Variants in RAD51B observed in about 807,000 individuals in gnomAD.
The protein encoded by RAD51B is DNA repair protein RAD51 homolog 2.
RAD51B carries 38 observed loss-of-function variants against 42.2 expected under a neutral mutation model. The observed-to-expected ratio is 0.90, with a 90% CI of 0.70 to 1.18. The LOEUF is 1.18. Among genes scored for constraint, RAD51B ranks in the 50% most tolerant of loss-of-function variants. The pLI, the probability that RAD51B is intolerant of heterozygous loss-of-function variation, is 0.00. For missense variants in RAD51B, 373 were observed against 400.7 expected (o/e 0.93, Z 0.59); for synonymous variants, 154 against 145.2 (o/e 1.06, Z -0.43).
chr14:67,985,594 T>G (rs1354923626), intron 7 of RAD51B, among the ~76,000 whole-genome samples: 1 of 152,170 alleles, frequency 6.6e-6, no homozygotes, highest in African/African-American at 2.4e-5. Flanking sequence ...CCTTGACTTT[T>G]GTGACACGGA....
chr14:68,027,556 TCTGA>T (rs1323581419), intron 7 of RAD51B, among the ~76,000 whole-genome samples: 3 of 152,202 alleles, frequency 2.0e-5, no homozygotes, highest in Admixed American at 2.0e-4. Context: ...TTTCTTGGTG[TCTGA>T]CTGAGTTGAT....
intron 11 of RAD51B, among the ~76,000 whole-genome samples, chr14:68,675,673 A>G (rs4902630): frequency 0.41 from 62,315 of 152,160 alleles, 13,403 homozygotes; most frequent in African/African-American, 0.54. Flanking sequence ...ATTGTGGTAC[A>G]CACATCAGAT....
At chr14:68,310,960 A>G (rs1420534189) in intron 8 of RAD51B, among the ~76,000 whole-genome samples, 1 of 152,030 alleles carries the variant, frequency 6.6e-6, no homozygotes, top group Non-Finnish European at 1.5e-5. Context: ...CCAACCCCAC[A>G]CACCTCATCT....
At chr14:67,960,983 A>G (rs1237733745) in intron 7 of RAD51B, among the ~76,000 whole-genome samples, 2 of 151,688 alleles carry the variant, frequency 1.3e-5, no homozygotes, top group Admixed American at 6.6e-5. Flanking sequence ...GAATTTCCTA[A>G]GTTATTATTT....
At chr14:68,560,235 T>C (rs937825261) in intron 10 of RAD51B, among the ~76,000 whole-genome samples, 1 of 152,220 alleles carries the variant, frequency 6.6e-6, no homozygotes, top group African/African-American at 2.4e-5. Context: ...TAAAGTACTT[T>C]GTGTTCTGTT....
At chr14:68,531,561 A>T (rs1030737550) in intron 10 of RAD51B, among the ~76,000 whole-genome samples, 1 of 152,224 alleles carries the variant, frequency 6.6e-6, no homozygotes, top group Non-Finnish European at 1.5e-5. Context: ...GCCCCTAAAA[A>T]CATAACCTTG....
intron 8 of RAD51B, among the ~76,000 whole-genome samples, chr14:68,316,409 G>C (rs1407546413): frequency 6.6e-6 from 1 of 151,926 alleles, no homozygotes; most frequent in African/African-American, 2.4e-5. Context: ...GTGCTTTGAT[G>C]GTGGCCTTTG....
intron 8 of RAD51B, among the ~76,000 whole-genome samples, chr14:68,336,618 T>G (rs1438012807): frequency 6.6e-6 from 1 of 152,244 alleles, no homozygotes; most frequent in Admixed American, 6.5e-5. Context: ...AATTCCTACA[T>G]TTTGACAAAA....
intron 7 of RAD51B, among the ~76,000 whole-genome samples, chr14:68,102,148 C>T (rs1049477746): frequency 6.6e-6 from 1 of 152,176 alleles, no homozygotes; most frequent in Non-Finnish European, 1.5e-5. Flanking sequence ...AGCAAGGAGG[C>T]CCTGGGCTTG....
chr14:68,149,023 T>A (rs1383667701), intron 7 of RAD51B, among the ~76,000 whole-genome samples: 1 of 152,244 alleles, frequency 6.6e-6, no homozygotes, highest in Non-Finnish European at 1.5e-5. Flanking sequence ...TTTGAAGAAG[T>A]GTCTGTTCAG....
chr14:68,575,970 C>T (rs867265469), intron 10 of RAD51B, among the ~76,000 whole-genome samples: 1 of 152,168 alleles, frequency 6.6e-6, no homozygotes, highest in Non-Finnish European at 1.5e-5. Context: ...AATGTTGAGG[C>T]ACCCAGGAAC....
At chr14:68,246,169 C>T (rs776301020) in intron 7 of RAD51B, among the ~76,000 whole-genome samples, 46 of 152,016 alleles carry the variant, frequency 3.0e-4, no homozygotes, top group Admixed American at 2.6e-3. Context: ...GACAGAAGTA[C>T]GTCTTGAGGG....
chr14:68,548,174 C>T (rs950592775), intron 10 of RAD51B, among the ~76,000 whole-genome samples: 1 of 152,154 alleles, frequency 6.6e-6, no homozygotes, highest in Non-Finnish European at 1.5e-5. Context: ...GCTGAGATAC[C>T]GAGGCTTCCT....
At chr14:68,264,669 A>G (rs1217302632) in intron 7 of RAD51B, among the ~76,000 whole-genome samples, 1 of 152,196 alleles carries the variant, frequency 6.6e-6, no homozygotes, top group Non-Finnish European at 1.5e-5. Flanking sequence ...AGTTATACGA[A>G]GTAGGAGGTT....
rs190546477 is a variant in RAD51B at position 68,626,454 on chromosome 14, G to A, written c.1037-24327G>A. 1.4e-3 allele frequency among the ~76,000 whole-genome samples: 220 copies of A among 152,306 alleles called. 1 individual carries two copies. The highest frequency in any genetic ancestry group is 2.4e-3 in the Non-Finnish European group (163 of 68,026). ...TATCTCTCACATCTCTGTTGACTGG[G>A]CTCAGCTCACTCAGGATGTCTTGCA... On this transcript the variant is annotated intron_variant, in intron 10 of 11. Coordinates refer to the RAD51B transcript ENST00000488612.
Position 68,477,797 on chromosome 14 carries a change from C to T in RAD51B, c.*133C>T, listed in dbSNP as rs1882822295. The T allele has an allele frequency of 4.6e-6, 7 of 1,514,442 alleles. No individual in the cohort carries two copies. In the South Asian group the frequency reaches 9.1e-5, roughly 20 times the overall value. The allele number at this position is 1,514,442 out of a possible 1,614,324, so 93.8% of individuals were successfully genotyped here. ...TAGTTGATTGCTGTTGAGATGGTAA[C>T]AGATTTGCTCCTAAACCATTGAGCT... is the stretch of plus-strand genomic sequence containing the variant. On this transcript the variant is annotated 3_prime_UTR_variant, in exon 11 of 11. Transcript: ENST00000471583.
rs149244727 is a variant in RAD51B at position 68,276,902 on chromosome 14, C to T, written c.757-14982C>T. Among the ~76,000 whole-genome samples the T allele has an allele frequency of 1.2e-3, 177 of 152,272 alleles. No individual in the cohort carries two copies. In the East Asian group the frequency reaches 0.012, roughly 11 times the overall value. ...GGGGTCTTGGGCCCTCAAAGCCCTC[C>T]GAGGTAGTACTGGCTACTGGGAAAA... On this transcript the variant is annotated intron_variant, in intron 7 of 10. Transcript: ENST00000471583.
At chr14:68,124,093 A>AT (rs869046858) in intron 7 of RAD51B, among the ~76,000 whole-genome samples, 9 of 152,174 alleles carry the variant, frequency 5.9e-5, no homozygotes, top group Non-Finnish European at 1.3e-4. Flanking sequence ...TCTTTCCCCC[A>AT]TTTTTTAAAA....
At chr14:68,123,677 G>A (rs557051622) in intron 7 of RAD51B, among the ~76,000 whole-genome samples, 43 of 152,088 alleles carry the variant, frequency 2.8e-4, no homozygotes, top group South Asian at 2.1e-3. Flanking sequence ...GCATGGTGGC[G>A]CACACCTGTA....
Sources: gnomAD v4.1 joint callset for allele counts (sites outside exome capture counted in the v4.1 genomes callset) on GRCh38, gnomAD v4.1.1 for gene constraint, MANE v1.5 for transcripts, NCBI Gene and HGNC (gene_info 2026-07-23, HGNC 2026-07-21) for gene names.